Variants in POU2F2 observed in about 807,000 individuals in gnomAD.
The protein encoded by POU2F2 is POU class 2 homeobox 2.
POU2F2 carries 14 observed loss-of-function variants against 63.5 expected under a neutral mutation model. The ratio of observed to expected loss-of-function variants is 0.22; its 90% CI spans 0.15 to 0.34. The LOEUF is 0.34. POU2F2 is among the 10% of genes least tolerant of loss of function. The pLI is 1.00. For synonymous variants in POU2F2, 306 were observed against 348.6 expected (o/e 0.88, Z 1.36); for missense variants, 607 against 815.2 (o/e 0.74, Z 3.11).
At chr19:42,192,355 G>C (rs781677518) in intron 1 of POU2F2, among the ~76,000 whole-genome samples, 8 of 152,132 alleles carry the variant, frequency 5.3e-5, no homozygotes, top group Non-Finnish European at 1.0e-4. Context: ...AAGGAAATCT[G>C]GGTCCTCAGT....
Position 42,096,193 on chromosome 19 carries a change from G to A in POU2F2, c.618C>T (p.Pro206=). The A allele has an allele frequency of 6.2e-7, 1 of 1,613,220 alleles. No homozygotes were observed. The highest frequency in any genetic ancestry group is 1.1e-5 in the South Asian group (1 of 90,996). ...GGGATGGTGGCTCCAAGCATTTGGG[G>A]GGCTGCGGGTGCGAGAGGTGCGGGT... is the stretch of plus-strand genomic sequence containing the variant. ...LPDPHLSHPQ[P]PKCLEPPSHP... is the part of the protein sequence containing the mutation. The change falls in exon 8 of 15, where the codon CCC becomes CCT. Residue 206 remains proline (P), a synonymous_variant. Transcript: ENST00000692977. This position sits in a 1 kb window ranked among gnomAD's most constrained non-coding sequence, Gnocchi z 4.1.
At chr19:42,124,740 G>A (rs1020260352) in intron 1 of POU2F2, among the ~76,000 whole-genome samples, 1 of 152,206 alleles carries the variant, frequency 6.6e-6, no homozygotes, top group Non-Finnish European at 1.5e-5. Flanking sequence ...TAATGAAAAA[G>A]AACAAACTCC....
At chr19:42,181,047 T>C (rs1478608345) in intron 1 of POU2F2, among the ~76,000 whole-genome samples, 1 of 152,232 alleles carries the variant, frequency 6.6e-6, no homozygotes, top group Non-Finnish European at 1.5e-5. Flanking sequence ...CCACAACCTA[T>C]GCATGATTGG....
chr19:42,149,103 G>A (rs1953521608), intron 2 of POU2F2, among the ~76,000 whole-genome samples: 1 of 152,088 alleles, frequency 6.6e-6, no homozygotes, highest in South Asian at 2.1e-4. Context: ...GAGGACCCTG[G>A]GCTTTCAAGG....
chr19:42,128,277 A>G (rs2033381402), intron 1 of POU2F2, among the ~76,000 whole-genome samples: 1 of 152,096 alleles, frequency 6.6e-6, no homozygotes, highest in Non-Finnish European at 1.5e-5. Flanking sequence ...ACAAACCCCT[A>G]TCTCTACTGT....
chr19:42,098,412 C>CAAAAAA (rs1218709430), intron 7 of POU2F2, among the ~76,000 whole-genome samples: 2 of 56,342 alleles, frequency 3.5e-5, no homozygotes. Flanking sequence ...GACTCCATCT[C>CAAAAAA]AAAAAAAAAA....
At chr19:42,128,681 GGCCTCA>G (rs1555726771) in intron 1 of POU2F2, among the ~76,000 whole-genome samples, 1 of 152,030 alleles carries the variant, frequency 6.6e-6, no homozygotes, top group Non-Finnish European at 1.5e-5. Context: ...CAAATGGCTC[GGCCTCA>G]GCCTCAGCCT....
intron 1 of POU2F2, among the ~76,000 whole-genome samples, chr19:42,164,108 A>G (rs905195294): frequency 2.6e-5 from 4 of 152,298 alleles, no homozygotes; most frequent in Admixed American, 2.6e-4. Flanking sequence ...AGTCTGGCCA[A>G]CATGGTGAAA....
chr19:42,119,621 A>C (rs2032347179), intron 4 of POU2F2, among the ~76,000 whole-genome samples: 1 of 152,184 alleles, frequency 6.6e-6, no homozygotes, highest in Non-Finnish European at 1.5e-5. Flanking sequence ...GCAGTGAGCC[A>C]AGATGGTGCC....
At chr19:42,188,603 G>A (rs576296495) in intron 1 of POU2F2, among the ~76,000 whole-genome samples, 30 of 149,916 alleles carry the variant, frequency 2.0e-4, no homozygotes, top group Admixed American at 1.1e-3. Flanking sequence ...CCCAGGAGGC[G>A]GAGGTTGCAG....
At chr19:42,188,298 A>T (rs1015372440) in intron 1 of POU2F2, among the ~76,000 whole-genome samples, 2 of 150,882 alleles carry the variant, frequency 1.3e-5, no homozygotes, top group African/African-American at 4.9e-5. Context: ...TCTGGGAGGC[A>T]GAGGTTGCAG....
chr19:42,190,564 G>A (rs556466883), intron 1 of POU2F2, among the ~76,000 whole-genome samples: 4 of 152,172 alleles, frequency 2.6e-5, no homozygotes, highest in Non-Finnish European at 5.9e-5. Flanking sequence ...AAGGCTGGGG[G>A]TATAAGGGGC....
At chr19:42,105,926 GAAA>G (rs767349221) in intron 5 of POU2F2, among the ~76,000 whole-genome samples, 1 of 131,454 alleles carries the variant, frequency 7.6e-6, no homozygotes. Context: ...TTCAGCATCT[GAAA>G]AAAAAAAAAA....
In POU2F2 at chr19:42,092,123, C is replaced by G. The variant is rs760711464; in HGVS notation, c.1412G>C (p.Ser471Thr). 6.6e-7 allele frequency: 1 copy of G among 1,520,370 alleles called. No individual in the cohort carries two copies. The highest frequency in any genetic ancestry group is 8.9e-7 in the Non-Finnish European group (1 of 1,128,954). The allele number at this position is 1,520,370 out of a possible 1,614,324, so 94.2% of individuals were successfully genotyped here. A position where few individuals can be genotyped will look rare whatever the true frequency, so the allele number is the denominator to read the frequency against. ...PPATTNSTNP[S>T]PQGSHSAIGL... ...GATAGCCGAGTGGCTGCCTTGAGGG[C>G]TGGGGTTTGTGCTGTTGGTGGTGGC... The change falls in exon 13 of 15, where the codon AGC becomes ACC. Residue 471 changes from serine to threonine, a missense_variant. Around this residue, in one of 7 missense-constraint regions of POU2F2, gnomAD observed 270 missense variants for 307.5 expected, o/e 0.88. Transcript: ENST00000692977. The surrounding 1 kb of genome is among the most constrained non-coding windows in gnomAD (Gnocchi z 5.0).
intron 5 of POU2F2, among the ~76,000 whole-genome samples, chr19:42,110,928 G>A (rs937369205): frequency 6.6e-6 from 1 of 152,110 alleles, no homozygotes; most frequent in Admixed American, 6.6e-5. Context: ...TCACTGGGTT[G>A]TTCTGAGGCC....
upstream of POU2F2, among the ~76,000 whole-genome samples, chr19:42,136,186 CTTTT>C (rs775409108): frequency 7.7e-6 from 1 of 130,452 alleles, no homozygotes. Flanking sequence ...CTATGCTTTC[CTTTT>C]TTTTTTTTTT....
chr19:42,193,082 C>T (rs1212321986), intron 1 of POU2F2, among the ~76,000 whole-genome samples: 5 of 151,328 alleles, frequency 3.3e-5, no homozygotes, highest in East Asian at 1.9e-4. Context: ...AAAAAATAGC[C>T]GGGCGTGGTG....
chr19:42,174,032 TG>T (rs2034822843), intron 1 of POU2F2, among the ~76,000 whole-genome samples: 1 of 152,118 alleles, frequency 6.6e-6, no homozygotes, highest in Non-Finnish European at 1.5e-5. Flanking sequence ...TGATAGACTG[TG>T]GGGAGAGGGG....
rs968535784 is a variant in POU2F2 at position 42,158,281 on chromosome 19, T to C, written c.-9+2051A>G. Among the ~76,000 whole-genome samples the C allele has an allele frequency of 3.3e-5, 5 of 152,322 alleles. No individual in the cohort carries two copies. The East Asian group carries it at 5.8e-4, about 18-fold the overall frequency. ...CAACAAGTGGCCCCAGTATTATCAT[T>C]GCTAAATTCATCAGAGCTGCTGCTA... On this transcript the variant is annotated intron_variant, in intron 2 of 6. Coordinates refer to the POU2F2 transcript ENST00000524801.
Sources: allele counts gnomAD v4.1 joint callset (sites outside exome capture counted in the v4.1 genomes callset), GRCh38; gene constraint gnomAD v4.1.1; regional missense constraint gnomAD v4.1.1; non-coding constraint Gnocchi (gnomAD v3.1); transcripts MANE v1.5; gene names NCBI Gene and HGNC (gene_info 2026-07-23, HGNC 2026-07-21).